CNTLN: variants seen among roughly 807,000 people sequenced by gnomAD.
CNTLN encodes the protein centlein, centrosomal protein.
A neutral mutation model predicts 180.0 loss-of-function variants in CNTLN; 212 were observed. That is an observed-to-expected ratio of 1.18 (90% CI 1.05 to 1.32). The LOEUF (loss-of-function observed/expected upper bound fraction) is 1.32. CNTLN is among the 40% of genes most tolerant of loss of function. CNTLN has a pLI of 0.00. For missense variants in CNTLN, 2,095 were observed against 1,610.9 expected (o/e 1.30, Z -5.14); for synonymous variants, 722 against 563.1 (o/e 1.28, Z -3.99).
intron 13 of CNTLN, among the ~76,000 whole-genome samples, chr9:17,373,910 C>T (rs1330820067): frequency 1.3e-5 from 2 of 152,144 alleles, no homozygotes; most frequent in Admixed American, 6.5e-5. Flanking sequence ...ACAAGATATT[C>T]ATATGCGTAA....
At chr9:17,172,421 C>T (rs1290207921) in intron 2 of CNTLN, among the ~76,000 whole-genome samples, 1 of 152,068 alleles carries the variant, frequency 6.6e-6, no homozygotes, top group African/African-American at 2.4e-5. Flanking sequence ...CCCCATCCAT[C>T]CTTTCTGTGC....
chr9:17,173,670 A>G (rs1409719883), intron 2 of CNTLN, among the ~76,000 whole-genome samples: 1 of 152,214 alleles, frequency 6.6e-6, no homozygotes, highest in Non-Finnish European at 1.5e-5. Flanking sequence ...CAAAACAAAG[A>G]AACATTGTTG....
At position 17,135,155 on chromosome 9, in the gene CNTLN, A is replaced by G. The variant is rs764280697; in HGVS notation, c.90A>G (p.Glu30=). Residue 30 remains glutamate (E), a synonymous_variant, in exon 1 of 26, where the codon GAA becomes GAG. Transcript: ENST00000380647. The part of the protein sequence containing the change: ...PRSPRVGRGA[E]VHAMRSEASG... The stretch of plus-strand genomic sequence containing the variant: ...CCCCACGTGTTGGGCGGGGAGCTGA[A>G]GTACACGCAATGCGCAGCGAGGCCT... 9 of 1,609,214 alleles carry G rather than the reference A, an allele frequency of 5.6e-6. No homozygotes were observed. The Middle Eastern group carries it at 5.0e-4, about 89-fold the overall frequency.
At chr9:17,259,712 A>G (rs1178161353) in intron 5 of CNTLN, among the ~76,000 whole-genome samples, 6 of 150,636 alleles carry the variant, frequency 4.0e-5, no homozygotes, top group Admixed American at 6.6e-5. Flanking sequence ...GGGAGAGTGT[A>G]TGTGTCGAGG....
intron 18 of CNTLN, among the ~76,000 whole-genome samples, chr9:17,423,106 T>A (rs1033218611): frequency 4.6e-5 from 7 of 152,098 alleles, no homozygotes; most frequent in African/African-American, 1.7e-4. Flanking sequence ...TGCCTGGAGT[T>A]GGGAGAGGGG....
At chr9:17,327,751 C>T (rs948827551) in intron 8 of CNTLN, among the ~76,000 whole-genome samples, 1 of 151,916 alleles carries the variant, frequency 6.6e-6, no homozygotes, top group East Asian at 1.9e-4. Context: ...GTCAGGAGTT[C>T]GAGACCAGCC....
chr9:17,453,321 A>T (rs1410737093), intron 18 of CNTLN, among the ~76,000 whole-genome samples: 1 of 152,178 alleles, frequency 6.6e-6, no homozygotes, highest in African/African-American at 2.4e-5. Context: ...TGAAAAGAAA[A>T]TGGGACAGTT....
chr9:17,356,409 GAGTAC>G (rs1201996225), intron 12 of CNTLN, among the ~76,000 whole-genome samples: 1 of 152,158 alleles, frequency 6.6e-6, no homozygotes, highest in African/African-American at 2.4e-5. Context: ...TGCTAAGTTA[GAGTAC>G]TGAAGCCTAT....
intron 13 of CNTLN, among the ~76,000 whole-genome samples, chr9:17,383,777 A>G (rs1226607348): frequency 6.6e-6 from 1 of 151,720 alleles, no homozygotes; most frequent in Admixed American, 6.6e-5. Context: ...AGCTGGGACT[A>G]CAGGCGCCTG....
chr9:17,244,881 T>G (rs773422231), intron 5 of CNTLN, among the ~76,000 whole-genome samples: 3 of 152,208 alleles, frequency 2.0e-5, no homozygotes, highest in Non-Finnish European at 2.9e-5. Context: ...ACTGATTACA[T>G]CTTAACACTG....
chr9:17,520,777 A>G, the CNTLN span, among the ~76,000 whole-genome samples: 1 of 152,224 alleles, frequency 6.6e-6, no homozygotes, highest in South Asian at 2.1e-4. Flanking sequence ...AATGATTTTC[A>G]TCACATTTGA....
chr9:17,454,045 T>G (rs1830967380), intron 18 of CNTLN, among the ~76,000 whole-genome samples: 1 of 152,204 alleles, frequency 6.6e-6, no homozygotes, highest in Non-Finnish European at 1.5e-5. Context: ...ATATCGTATT[T>G]CTGGGTCCCA....
intron 5 of CNTLN, among the ~76,000 whole-genome samples, chr9:17,252,102 T>C (rs1382876177): frequency 1.3e-5 from 2 of 151,894 alleles, no homozygotes; most frequent in Admixed American, 1.3e-4. Context: ...CCATTATTTA[T>C]ATATACACCA....
intron 5 of CNTLN, among the ~76,000 whole-genome samples, chr9:17,253,329 T>C (rs1388435292): frequency 3.3e-5 from 5 of 151,650 alleles, no homozygotes; most frequent in South Asian, 2.1e-4. Flanking sequence ...GTAATAGAGA[T>C]TGCATTGAAT....
chr9:17,228,131 T>A (rs769271604), intron 3 of CNTLN, among the ~76,000 whole-genome samples: 87 of 152,248 alleles, frequency 5.7e-4, no homozygotes, highest in Non-Finnish European at 1.0e-3. Context: ...TTTAATATCC[T>A]TAGGCATTAA....
chr9:17,462,037 C>T (rs751373474), intron 19 of CNTLN, among the ~76,000 whole-genome samples: 1 of 151,790 alleles, frequency 6.6e-6, no homozygotes, highest in Non-Finnish European at 1.5e-5. Context: ...TTATTAATAA[C>T]TTCAAGTAAA....
At chr9:17,182,973 G>C (rs1340896409) in intron 2 of CNTLN, among the ~76,000 whole-genome samples, 1 of 152,158 alleles carries the variant, frequency 6.6e-6, no homozygotes, top group Admixed American at 6.5e-5. Context: ...AGTGAAACAG[G>C]TCATTAGTTG....
chr9:17,443,556 C>G (rs1408089825), intron 18 of CNTLN, among the ~76,000 whole-genome samples: 1 of 151,998 alleles, frequency 6.6e-6, no homozygotes, highest in Admixed American at 6.5e-5. Flanking sequence ...AAATAAACAA[C>G]AAAGTTATTC....
chr9:17,340,874 A>G lies in CNTLN; in HGVS notation c.1692A>G (p.Glu564=). The change falls in exon 11 of 26, where the codon GAA becomes GAG. Residue 564 remains glutamate, a synonymous_variant. Coordinates refer to ENST00000380647, the MANE Select transcript of CNTLN (RefSeq NM_017738.4). ...GAGATGCCCATGAAAAACGCAAGGA[A>G]CGGCTACAGATGTTACAGACCAACT... ...ELRDAHEKRK[E]RLQMLQTNYR... is the part of the protein sequence containing the mutation. 1 of 1,612,462 alleles carries G rather than the reference A, an allele frequency of 6.2e-7. No homozygotes were observed. The highest frequency in any genetic ancestry group is 8.5e-7 in the Non-Finnish European group (1 of 1,179,046).
Sources: allele counts gnomAD v4.1 joint callset (sites outside exome capture counted in the v4.1 genomes callset), GRCh38; gene constraint gnomAD v4.1.1; transcripts MANE v1.5; gene names NCBI Gene and HGNC (gene_info 2026-07-23, HGNC 2026-07-21).